Variants in USP32 observed in about 807,000 individuals in gnomAD.
The protein encoded by USP32 is ubiquitin carboxyl-terminal hydrolase 32.
A neutral mutation model predicts 204.8 loss-of-function variants in USP32; 59 were observed. The observed-to-expected ratio is 0.29, with a 90% CI of 0.23 to 0.36. The LOEUF is 0.36. USP32 is among the 10% of genes least tolerant of loss of function. The pLI is 1.00. For missense variants in USP32, 1,160 were observed against 1,946.4 expected, an observed-to-expected ratio of 0.60 and a Z score of 7.60; for synonymous variants, 517 against 678.4, an observed-to-expected ratio of 0.76 and a Z score of 3.70.
intron 29 of USP32, among the ~76,000 whole-genome samples, chr17:60,188,274 G>T (rs1220807890): frequency 6.6e-6 from 1 of 151,794 alleles, no homozygotes; most frequent in East Asian, 1.9e-4. Context: ...GATTGCCTCT[G>T]TTTTTTTTCT....
chr17:60,226,290 C>A, intron 12 of USP32, 59 bp from the exon 13 acceptor site: 1 of 1,400,354 alleles, frequency 7.1e-7, no homozygotes, highest in South Asian at 1.6e-5. Flanking sequence ...ACTATGTAGT[C>A]TTCAGAAACA....
upstream of USP32, among the ~76,000 whole-genome samples, chr17:60,394,742 A>T (rs1246711025): frequency 6.6e-6 from 1 of 151,782 alleles, no homozygotes; most frequent in African/African-American, 2.4e-5. Flanking sequence ...TTTTTTATTT[A>T]TTTATTTATT....
chr17:60,235,335 G>A (rs1598114267), intron 12 of USP32, among the ~76,000 whole-genome samples: 1 of 152,120 alleles, frequency 6.6e-6, no homozygotes, highest in African/African-American at 2.4e-5. Context: ...GAAGTCATTT[G>A]CCTACTTTTT....
chr17:60,265,609 G>C (rs1297716748), intron 8 of USP32, 135 bp from the exon 9 acceptor site: 2 of 630,888 alleles, frequency 3.2e-6, no homozygotes, highest in East Asian at 2.9e-5. Context: ...CGTTGCCCAG[G>C]ATTATCTCAA....
intron 3 of USP32, among the ~76,000 whole-genome samples, chr17:60,298,638 A>G (rs931680633): frequency 1.3e-5 from 2 of 152,160 alleles, no homozygotes; most frequent in South Asian, 4.1e-4. Context: ...ACAGGCATGC[A>G]CTACCATACC....
chr17:60,194,357 A>G (rs1274296904), intron 27 of USP32, among the ~76,000 whole-genome samples: 6 of 152,130 alleles, frequency 3.9e-5, no homozygotes, highest in Admixed American at 6.5e-5. Flanking sequence ...TGCACTTTGT[A>G]TTCTCATACG....
chr17:60,411,759 G>A (rs9903472), intron 1 of USP32, among the ~76,000 whole-genome samples: 20,623 of 151,726 alleles, frequency 0.14, 2,979 homozygotes, highest in African/African-American at 0.36. Context: ...TTTGTGTCTC[G>A]CTTATTTCAC....
At chr17:60,327,643 A>G (rs1411177680) in intron 2 of USP32, among the ~76,000 whole-genome samples, 1 of 152,198 alleles carries the variant, frequency 6.6e-6, no homozygotes, top group Non-Finnish European at 1.5e-5. Flanking sequence ...GGCTGCCGAC[A>G]TGCTCCAGGC....
At chr17:60,374,527 A>G (rs1305253474) in intron 1 of USP32, among the ~76,000 whole-genome samples, 1 of 151,988 alleles carries the variant, frequency 6.6e-6, no homozygotes, top group Non-Finnish European at 1.5e-5. Flanking sequence ...CCTCCTGAGT[A>G]GCTAGGACCA....
chr17:60,364,639 G>A (rs990960183), intron 1 of USP32, among the ~76,000 whole-genome samples: 3 of 152,196 alleles, frequency 2.0e-5, no homozygotes, highest in Non-Finnish European at 4.4e-5. Flanking sequence ...GCCTCCCAAA[G>A]TGCCGGGATT....
Position 60,391,991 on chromosome 17 carries a change from C to T in USP32, c.-52G>A. On this transcript the variant is annotated 5_prime_UTR_variant, in exon 1 of 34. Transcript: ENST00000300896. ...TCGGAGCCTGATCTCGCCCCCACCC[C>T]CCTCCCGCCTTCTCCTCGGCGTCCC... 1.3e-6 allele frequency: 2 copies of T among 1,570,856 alleles called. No individual in the cohort carries two copies. Among genetic ancestry groups the T allele is most frequent in the Admixed American group, 1.8e-5 (1 of 55,828 alleles).
At chr17:60,349,733 T>C (rs1309465255) in intron 1 of USP32, among the ~76,000 whole-genome samples, 1 of 144,616 alleles carries the variant, frequency 6.9e-6, no homozygotes, top group African/African-American at 2.5e-5. Context: ...ACTTAAACTG[T>C]AGGGAAATGT....
At chr17:60,263,808 T>A (rs1302536254) in intron 9 of USP32, among the ~76,000 whole-genome samples, 2 of 152,240 alleles carry the variant, frequency 1.3e-5, no homozygotes, top group African/African-American at 4.8e-5. Flanking sequence ...ATTATTTGTT[T>A]CTATTGAGAA....
At chr17:60,289,406 T>G (rs909462971) in intron 4 of USP32, among the ~76,000 whole-genome samples, 4 of 152,220 alleles carry the variant, frequency 2.6e-5, no homozygotes, top group African/African-American at 9.7e-5. Flanking sequence ...ATATCTTAAT[T>G]AAATCTGTAT....
intron 3 of USP32, among the ~76,000 whole-genome samples, chr17:60,296,903 C>T (rs1351247972): frequency 6.6e-6 from 1 of 152,158 alleles, no homozygotes; most frequent in Admixed American, 6.5e-5. Context: ...TCCTTAAAAA[C>T]AGATACTGGT....
chr17:60,338,039 G>A (rs757548007), intron 2 of USP32, among the ~76,000 whole-genome samples: 3 of 152,128 alleles, frequency 2.0e-5, no homozygotes, highest in East Asian at 1.9e-4. Context: ...ATTGTTGGAC[G>A]CAGGCAAGGC....
At chr17:60,308,409 C>T (rs904853724) in intron 2 of USP32, among the ~76,000 whole-genome samples, 3 of 152,274 alleles carry the variant, frequency 2.0e-5, no homozygotes, top group African/African-American at 7.2e-5. Context: ...AAGAAGGGAG[C>T]CACACCCCCA....
rs139997177 is a variant in USP32, at chr17:60,370,531, C to T, written c.58+21351G>A. Among the ~76,000 whole-genome samples, 111 of 151,838 alleles carry T rather than the reference C, an allele frequency of 7.3e-4. 1 individual carries two copies. The highest frequency in any genetic ancestry group is 2.6e-3 in the African/African-American group (108 of 41,434). ...ATCCCAACACTTTGGGAGGCCGAGGCGGGAGGATCACTTGAGGTCAGAAGT... is the reference window on the plus strand; with the variant it reads ...ATCCCAACACTTTGGGAGGCCGAGGTGGGAGGATCACTTGAGGTCAGAAGT... On this transcript the variant is annotated intron_variant, in intron 1 of 33. Transcript: ENST00000300896.
intron 2 of USP32, among the ~76,000 whole-genome samples, chr17:60,309,770 G>A (rs543246337): frequency 1.3e-5 from 2 of 152,058 alleles, no homozygotes; most frequent in South Asian, 4.2e-4. Flanking sequence ...GGCAGACTGG[G>A]CACAGTGGCA....
Sources: gnomAD v4.1 joint callset for allele counts (sites outside exome capture counted in the v4.1 genomes callset) on GRCh38, gnomAD v4.1.1 for gene constraint, MANE v1.5 for transcripts, NCBI Gene and HGNC (gene_info 2026-07-23, HGNC 2026-07-21) for gene names.